MS4A4E: variants seen among roughly 807,000 people sequenced by gnomAD.
The protein encoded by MS4A4E is putative membrane-spanning 4-domains subfamily A member 4E.
A neutral mutation model predicts 13.3 loss-of-function variants in MS4A4E; 23 were observed. The ratio of observed to expected loss-of-function variants is 1.73; its 90% CI spans 1.25 to 2.45. The LOEUF (loss-of-function observed/expected upper bound fraction) is 2.45, where lower values mean the gene tolerates loss of function less well. Ranked by LOEUF, MS4A4E falls within the 30% of genes most tolerant of loss-of-function variation. MS4A4E has a pLI of 0.00. For missense variants in MS4A4E, 144 were observed against 131.2 expected, an observed-to-expected ratio of 1.10 and a Z score of -0.48; for synonymous variants, 36 against 45.6, an observed-to-expected ratio of 0.79 and a Z score of 0.85.
intron 1 of MS4A4E, among the ~76,000 whole-genome samples, chr11:60,232,321 A>ACACACACACACACACACACAC (rs556719466): frequency 5.4e-5 from 8 of 147,320 alleles, no homozygotes; most frequent in African/African-American, 1.0e-4. Context: ...ACACACACAC[A>ACACACACACACACACACACAC]CCAAAAATGA....
intron 3 of MS4A4E, among the ~76,000 whole-genome samples, chr11:60,217,656 T>C (rs916376886): frequency 3.3e-5 from 5 of 152,198 alleles, no homozygotes; most frequent in Non-Finnish European, 7.3e-5. Context: ...TTAATACTTT[T>C]ATAATTTCTT....
intron 1 of MS4A4E, among the ~76,000 whole-genome samples, chr11:60,238,476 C>T (rs2084511111): frequency 6.6e-6 from 1 of 151,950 alleles, no homozygotes; most frequent in Non-Finnish European, 1.5e-5. Flanking sequence ...TATAGTATCC[C>T]TTATAATTTC....
intron 1 of MS4A4E, among the ~76,000 whole-genome samples, chr11:60,240,229 G>T (rs1320514962): frequency 1.3e-5 from 2 of 152,326 alleles, no homozygotes; most frequent in African/African-American, 4.8e-5. Flanking sequence ...TAGCTCAGTT[G>T]TCTGTGTTAA....
Position 60,206,493 on chromosome 11 carries a change from ATATATACG to A in MS4A4E, c.484-681_484-674del, listed in dbSNP as rs373456788. Among the ~76,000 whole-genome samples the A allele has an allele frequency of 8.7e-4, 70 of 80,664 alleles. 4 individuals carry two copies. The highest frequency in any genetic ancestry group is 3.4e-3 in the South Asian group (6 of 1,760). The allele number at this position is 80,664 out of a possible 152,430, so 52.9% of individuals were successfully genotyped here. ...CACACACATATATATATATATGTAT[ATATATACG>A]TATATATATATACACACACACACAC... is the stretch of plus-strand genomic sequence containing the variant. On this transcript the variant is annotated intron_variant, in intron 6 of 8. Transcript: ENST00000651255.
chr11:60,207,273 C>A (rs1468547517), intron 6 of MS4A4E, among the ~76,000 whole-genome samples: 1 of 152,136 alleles, frequency 6.6e-6, no homozygotes, highest in Non-Finnish European at 1.5e-5. Context: ...AGATATGCCC[C>A]AAAGCCACTG....
chr11:60,234,686 TA>T (rs553661329), intron 1 of MS4A4E, among the ~76,000 whole-genome samples: 2 of 150,694 alleles, frequency 1.3e-5, no homozygotes, highest in African/African-American at 4.9e-5. Flanking sequence ...ACATGAAAGA[TA>T]AAAAAAATTA....
At chr11:60,221,236 T>G (rs1273613474) in intron 3 of MS4A4E, among the ~76,000 whole-genome samples, 3 of 118,006 alleles carry the variant, frequency 2.5e-5, no homozygotes, top group Non-Finnish European at 3.6e-5. Flanking sequence ...ATGAATTGAG[T>G]GCTTTCTGAC....
chr11:60,216,625 T>C (rs762716744), intron 3 of MS4A4E, among the ~76,000 whole-genome samples: 154 of 150,712 alleles, frequency 1.0e-3, no homozygotes, highest in Non-Finnish European at 1.6e-3. Context: ...AGGTTATATA[T>C]CATATGTATA....
chr11:60,240,316 A>G (rs978197417), intron 1 of MS4A4E, among the ~76,000 whole-genome samples: 5 of 152,144 alleles, frequency 3.3e-5, no homozygotes, highest in African/African-American at 1.2e-4. Flanking sequence ...ATTCTACGCA[A>G]CCATTTTTTA....
Position 60,243,056 on chromosome 11 carries a change from C to A in MS4A4E, c.-115G>T. 2 of 1,071,144 alleles carry A rather than the reference C, an allele frequency of 1.9e-6. No individual in the cohort carries two copies. The highest frequency in any genetic ancestry group is 1.4e-6 in the Non-Finnish European group (1 of 730,292). The allele number at this position is 1,071,144 out of a possible 1,614,324, so 66.4% of individuals were successfully genotyped here. On this transcript the variant is annotated 5_prime_UTR_variant, in exon 1 of 9. Transcript: ENST00000651255. ...TGTTCCAGACACAGTCAGCTTCCCC[C>A]ACTCCACACCTCACTCAGTTTAAAT...
At chr11:60,222,398 CA>C (rs2134948794) in intron 3 of MS4A4E, among the ~76,000 whole-genome samples, 1 of 152,332 alleles carries the variant, frequency 6.6e-6, no homozygotes, top group Admixed American at 6.5e-5. Flanking sequence ...TGTTTCCCAT[CA>C]TCCTGAAGCA....
At chr11:60,203,243 T>A (rs2084006372) in intron 8 of MS4A4E, among the ~76,000 whole-genome samples, 1 of 152,210 alleles carries the variant, frequency 6.6e-6, no homozygotes, top group Non-Finnish European at 1.5e-5. Context: ...TCTTTATATG[T>A]CACCTATCAG....
chr11:60,223,738 CT>C (rs1479219091), intron 3 of MS4A4E, among the ~76,000 whole-genome samples: 1 of 152,174 alleles, frequency 6.6e-6, no homozygotes, highest in Non-Finnish European at 1.5e-5. Context: ...CTACATCTTT[CT>C]CTCGTGCTGC....
chr11:60,203,208 ATTTGC>A (rs1057163659), intron 8 of MS4A4E, among the ~76,000 whole-genome samples: 2 of 151,866 alleles, frequency 1.3e-5, no homozygotes, highest in Non-Finnish European at 2.9e-5. Context: ...TTACTTTGTT[ATTTGC>A]TTTTATATTG....
At position 60,208,839 on chromosome 11, in the gene MS4A4E, A is replaced by G. The variant is rs550216105; in HGVS notation, c.382-145T>C. ...CCAATGGCAGCCATACCCTTGACCA[A>G]TTCTTGATCTGCTGAAGTAGCTTCT... On this transcript the variant is annotated intron_variant, in intron 5 of 8. Coordinates refer to ENST00000651255, the MANE Select transcript of MS4A4E (RefSeq NM_001393391.1). The G allele has an allele frequency of 2.4e-4, 95 of 400,494 alleles. 3 individuals are homozygous for G. In the South Asian group the frequency reaches 5.9e-3, roughly 25 times the overall value. 24.8% of individuals were successfully genotyped at this position (400,494 alleles called of 1,614,324 possible).
chr11:60,242,257 T>C lies in MS4A4E; in HGVS notation c.-17+701A>G, dbSNP rs535545821. Among the ~76,000 whole-genome samples, 57 of 152,352 alleles carry C rather than the reference T, an allele frequency of 3.7e-4. 1 individual carries two copies. The highest frequency in any genetic ancestry group is 2.5e-3 in the South Asian group (12 of 4,826). ...TGTGATTCTAGGTACATTATTTCCC[T>C]TTTCTGGATTTCATTTACTTCATCT... On this transcript the variant is annotated intron_variant, in intron 1 of 8. Coordinates refer to ENST00000651255, the MANE Select transcript of MS4A4E (RefSeq NM_001393391.1).
intron 4 of MS4A4E, among the ~76,000 whole-genome samples, chr11:60,213,673 A>T (rs2084153660): frequency 6.6e-6 from 1 of 152,184 alleles, no homozygotes; most frequent in South Asian, 2.1e-4. Context: ...TGGAAAACCG[A>T]TATTGATCAT....
At chr11:60,205,105 C>A (rs537479317) in intron 7 of MS4A4E, among the ~76,000 whole-genome samples, 147 bp from the exon 8 acceptor site, 2 of 151,968 alleles carry the variant, frequency 1.3e-5, no homozygotes, top group African/African-American at 4.8e-5. Context: ...ATATGAATGT[C>A]CATGCAAATT....
intron 1 of MS4A4E, among the ~76,000 whole-genome samples, chr11:60,241,314 G>A (rs914457862): frequency 2.6e-5 from 4 of 152,136 alleles, no homozygotes; most frequent in Non-Finnish European, 4.4e-5. Flanking sequence ...GTGAGCCACC[G>A]CACCCGGCCT....
Sources: gnomAD v4.1 joint callset for allele counts (sites outside exome capture counted in the v4.1 genomes callset) on GRCh38, gnomAD v4.1.1 for gene constraint, MANE v1.5 for transcripts, NCBI Gene and HGNC (gene_info 2026-07-23, HGNC 2026-07-21) for gene names.